Variants in ARHGEF10 observed in about 807,000 individuals in gnomAD.
ARHGEF10 encodes the protein Rho guanine nucleotide exchange factor (GEF) 10.
In ARHGEF10, 140 loss-of-function variants were observed where a neutral mutation model predicts 147.4. That is an observed-to-expected ratio of 0.95 (90% CI 0.83 to 1.09). The LOEUF (loss-of-function observed/expected upper bound fraction) is 1.09, where lower values mean the gene tolerates loss of function less well. ARHGEF10 is among the 50% of genes least tolerant of loss of function. The pLI is 0.00. For missense variants in ARHGEF10, 2,222 were observed against 1,752.7 expected (o/e 1.27, Z -4.78); for synonymous variants, 902 against 695.8 (o/e 1.30, Z -4.67).
intron 14 of ARHGEF10, among the ~76,000 whole-genome samples, chr8:1,896,806 C>A (rs768256019): frequency 6.6e-6 from 1 of 152,112 alleles, no homozygotes; most frequent in Non-Finnish European, 1.5e-5. Flanking sequence ...TCTTTGGGAT[C>A]GGGGAGAGGC....
At chr8:1,897,833 A>G (rs972427751) in intron 14 of ARHGEF10, among the ~76,000 whole-genome samples, 3 of 152,052 alleles carry the variant, frequency 2.0e-5, no homozygotes, top group African/African-American at 7.2e-5. Flanking sequence ...GCCTTGGGAG[A>G]TAGACTCTCT....
At chr8:1,848,035 C>T (rs908797289) in intron 2 of ARHGEF10, among the ~76,000 whole-genome samples, 1 of 152,238 alleles carries the variant, frequency 6.6e-6, no homozygotes, top group Non-Finnish European at 1.5e-5. Flanking sequence ...CCTGCTTCTC[C>T]AGGGCTGGCG....
chr8:1,929,303 G>C lies in ARHGEF10; in HGVS notation c.2939G>C (p.Ser980Thr). 1 of 1,614,106 alleles carries C rather than the reference G, an allele frequency of 6.2e-7. No individual in the cohort carries two copies. The highest frequency in any genetic ancestry group is 1.3e-5 in the African/African-American group (1 of 75,042). Residue 980 changes from serine to threonine, a missense_variant, in exon 25 of 29, where the codon AGC becomes ACC. Transcript: ENST00000349830. ...TCTTAAAGCATTTCCATTTATAAAA[G>C]CAGTCAAGGCTCCAAGAAAGTGAGA... The part of the protein sequence containing the change: ...TEEGSISIYK[S>T]SQGSKKVRLQ...
At chr8:1,854,918 G>A (rs1207866065) in intron 2 of ARHGEF10, among the ~76,000 whole-genome samples, 3 of 152,028 alleles carry the variant, frequency 2.0e-5, no homozygotes, top group Non-Finnish European at 1.5e-5. Flanking sequence ...CCTGGCACAC[G>A]GGACATGCAC....
chr8:1,885,462 A>G, intron 10 of ARHGEF10, 139 bp from the exon 11 acceptor site: 1 of 653,876 alleles, frequency 1.5e-6, no homozygotes, highest in Non-Finnish European at 2.7e-6. Flanking sequence ...ATTCAACTTA[A>G]TAATAGCTGG....
At chr8:1,926,886 C>T (rs1188108917) in intron 23 of ARHGEF10, 15 of 303,574 alleles carry the variant, frequency 4.9e-5, no homozygotes, top group South Asian at 4.1e-4. Flanking sequence ...GCTGGAATTG[C>T]AGTAGACGTT....
chr8:1,903,179 T>C, intron 15 of ARHGEF10, 102 bp from the exon 16 acceptor site: 2 of 1,425,390 alleles, frequency 1.4e-6, no homozygotes, highest in South Asian at 1.1e-5. Context: ...GGATGGCAGA[T>C]GCCACTGCCT....
At chr8:1,824,138 G>A (rs1250491362) in intron 1 of ARHGEF10, 25 bp downstream of exon 1, 1 of 152,178 alleles carries the variant, frequency 6.6e-6, no homozygotes, top group East Asian at 1.9e-4. Context: ...CGCGGACCGT[G>A]GGTCCCCTCG....
Position 1,885,713 on chromosome 8 carries a change from A to T in ARHGEF10, c.1182+6A>T. 6.2e-7 allele frequency: 1 copy of T among 1,607,978 alleles called. No individual in the cohort carries two copies. Among genetic ancestry groups the T allele is most frequent in the South Asian group, 1.1e-5 (1 of 90,958 alleles). ...AGGGTTTATCTCAGCAGCAGGTGAG[A>T]TGAGCAGAGCTGACAGGGGCTGTTG... is the stretch of plus-strand genomic sequence containing the variant. On this transcript the variant is annotated splice_donor_region_variant and intron_variant, in intron 11 of 28. Transcript: ENST00000349830.
chr8:1,900,550 A>G (rs1810369005), intron 15 of ARHGEF10, among the ~76,000 whole-genome samples: 1 of 152,196 alleles, frequency 6.6e-6, no homozygotes, highest in African/African-American at 2.4e-5. Context: ...AAAGCAGCAG[A>G]TGGAACACTG....
chr8:1,829,975 G>C (rs1445899473), intron 1 of ARHGEF10, among the ~76,000 whole-genome samples: 2 of 152,208 alleles, frequency 1.3e-5, no homozygotes, highest in African/African-American at 4.8e-5. Flanking sequence ...GTCATAGGTA[G>C]CGGTAGCAAG....
chr8:1,920,060 TG>T (rs1159933049), intron 18 of ARHGEF10, among the ~76,000 whole-genome samples: 3 of 147,996 alleles, frequency 2.0e-5, no homozygotes, highest in Non-Finnish European at 3.0e-5. Flanking sequence ...CCGTGGGTGA[TG>T]GAGCTGTTCT....
At chr8:1,880,811 A>G (rs746350885) in intron 9 of ARHGEF10, among the ~76,000 whole-genome samples, 5 of 152,166 alleles carry the variant, frequency 3.3e-5, no homozygotes, top group African/African-American at 7.2e-5. Flanking sequence ...GTGATCATTC[A>G]TATGTGTTGA....
intron 26 of ARHGEF10, among the ~76,000 whole-genome samples, chr8:1,942,025 A>T (rs1039359940): frequency 2.0e-5 from 3 of 152,118 alleles, no homozygotes; most frequent in Admixed American, 2.0e-4. Flanking sequence ...AAAAGAAATT[A>T]TAGGGGTAAA....
chr8:1,947,677 C>T (rs1814702934), intron 27 of ARHGEF10, among the ~76,000 whole-genome samples: 1 of 147,220 alleles, frequency 6.8e-6, no homozygotes, highest in Admixed American at 6.8e-5. Context: ...TCCTCACACC[C>T]CACCCCGCAT....
chr8:1,860,202 T>G lies in ARHGEF10; in HGVS notation c.481+18T>G, dbSNP rs765943695. ...CGAAGAAGGTACTGCTACCCTCCTC[T>G]CCACGCCCCCGAAGTGGCCTGTGGT... is the stretch of plus-strand genomic sequence containing the variant. On this transcript the variant is annotated intron_variant, in intron 4 of 28. Transcript: ENST00000349830. 12 of 1,608,858 alleles carry G rather than the reference T, an allele frequency of 7.5e-6. No homozygotes were observed. In the South Asian group the frequency reaches 1.3e-4, roughly 18 times the overall value.
intron 19 of ARHGEF10, 75 bp from the exon 20 acceptor site, chr8:1,923,393 G>A (rs1812445343): frequency 1.9e-6 from 3 of 1,592,204 alleles, no homozygotes; most frequent in African/African-American, 1.4e-5. Flanking sequence ...TATTAAAATT[G>A]TGTCTTTTTA....
At chr8:1,840,970 G>A (rs1378567594) in intron 1 of ARHGEF10, among the ~76,000 whole-genome samples, 5 of 152,210 alleles carry the variant, frequency 3.3e-5, no homozygotes, top group Non-Finnish European at 7.4e-5. Flanking sequence ...ACCCGATGTG[G>A]ATCCTGTGAC....
chr8:1,888,251 C>CAGTGAGTGTGGTGAGGGTTGT (rs1808941971), intron 11 of ARHGEF10, among the ~76,000 whole-genome samples: 1 of 62,318 alleles, frequency 1.6e-5, no homozygotes, highest in African/African-American at 9.5e-5. Flanking sequence ...GTGAGGGTTG[C>CAGTGAGTGTGGTGAGGGTTGT]GAGGAGATGC....
Sources: gnomAD v4.1 joint callset for allele counts (sites outside exome capture counted in the v4.1 genomes callset) on GRCh38, gnomAD v4.1.1 for gene constraint, MANE v1.5 for transcripts, NCBI Gene and HGNC (gene_info 2026-07-23, HGNC 2026-07-21) for gene names.